UNC13C: variants seen among roughly 807,000 people sequenced by gnomAD.
The protein encoded by UNC13C is unc-13 homolog C, also known as protein unc-13 homolog C.
In UNC13C, 174 loss-of-function variants were observed where a neutral mutation model predicts 245.4. That is an observed-to-expected ratio of 0.71 (90% confidence interval 0.63 to 0.80). UNC13C has a LOEUF of 0.80. UNC13C is among the 30% of genes least tolerant of loss of function. The pLI, the probability that UNC13C is intolerant of heterozygous loss-of-function variation, is 0.00. For synonymous variants in UNC13C, 992 were observed against 895.1 expected (o/e 1.11, Z -1.93); for missense variants, 2,829 against 2,602.9 (o/e 1.09, Z -1.89).
chr15:54,368,078 T>A (rs574208954), intron 17 of UNC13C, among the ~76,000 whole-genome samples: 2 of 152,124 alleles, frequency 1.3e-5, no homozygotes, highest in East Asian at 3.9e-4. Context: ...GACCCTTAAA[T>A]TTTGCACTCA....
chr15:54,262,495 C>T (rs979071979), intron 8 of UNC13C, among the ~76,000 whole-genome samples: 1 of 152,188 alleles, frequency 6.6e-6, no homozygotes, highest in African/African-American at 2.4e-5. Context: ...CAACTATTTA[C>T]TCCAGCCTAA....
chr15:53,916,639 C>G, the UNC13C span, among the ~76,000 whole-genome samples: 1 of 152,194 alleles, frequency 6.6e-6, no homozygotes, highest in Non-Finnish European at 1.5e-5. Context: ...TATTTCAGAA[C>G]TACCAGAGTT....
In UNC13C at chr15:54,219,668, C is replaced by T. The variant is rs1393495108; in HGVS notation, c.3072-15362C>T. Among the ~76,000 whole-genome samples, 9 of 151,408 alleles carry T rather than the reference C, an allele frequency of 5.9e-5. No individual in the cohort carries two copies. The South Asian group carries it at 1.9e-3, about 32-fold the overall frequency. On this transcript the variant is annotated intron_variant, in intron 4 of 32. Transcript: ENST00000260323. ...ACCATCAGAGTGAACAGGCAACCTA[C>T]AAAATGGGAGAAAATTTTCGCAACC...
At chr15:54,277,503 C>T (rs1567153997) in intron 10 of UNC13C, among the ~76,000 whole-genome samples, 1 of 152,168 alleles carries the variant, frequency 6.6e-6, no homozygotes, top group Non-Finnish European at 1.5e-5. Context: ...TGACTTTTCA[C>T]TGCAAGATGA....
chr15:53,876,558 C>T, the UNC13C span, among the ~76,000 whole-genome samples: 1 of 152,278 alleles, frequency 6.6e-6, no homozygotes, highest in East Asian at 1.9e-4. Context: ...TTAATGCTTA[C>T]ACAGCTGCCA....
chr15:54,090,003 TCTGGCA>T (rs1243165638), intron 2 of UNC13C, among the ~76,000 whole-genome samples: 115 of 152,302 alleles, frequency 7.6e-4, no homozygotes, highest in African/African-American at 2.7e-3. Flanking sequence ...TGGGAAGGAC[TCTGGCA>T]CAAACAGCCT....
intron 4 of UNC13C, among the ~76,000 whole-genome samples, chr15:54,230,465 ATAAT>A (rs577325175): frequency 1.8e-5 from 2 of 113,886 alleles, no homozygotes; most frequent in East Asian, 5.1e-4. Context: ...TTGAGTGAAA[ATAAT>A]AATTAATCTC....
intron 2 of UNC13C, among the ~76,000 whole-genome samples, chr15:54,021,613 T>C (rs976954985): frequency 3.9e-5 from 6 of 152,368 alleles, no homozygotes; most frequent in African/African-American, 1.4e-4. Flanking sequence ...GTTGCTTTCA[T>C]ATCTTGGCTA....
intron 17 of UNC13C, among the ~76,000 whole-genome samples, chr15:54,375,518 T>C (rs1398588337): frequency 6.6e-6 from 1 of 152,302 alleles, no homozygotes; most frequent in Non-Finnish European, 1.5e-5. Flanking sequence ...ATTTTGTATG[T>C]TAAAGGTAAA....
the UNC13C span, among the ~76,000 whole-genome samples, chr15:53,958,440 A>C: frequency 0.93 from 140,983 of 152,226 alleles, 65,748 homozygotes; most frequent in Middle Eastern, 0.98. Flanking sequence ...GGTCTTGAAG[A>C]CTTTGTGCTG....
At chr15:54,212,037 A>G (rs889922126) in intron 4 of UNC13C, among the ~76,000 whole-genome samples, 35 of 152,094 alleles carry the variant, frequency 2.3e-4, no homozygotes, top group Admixed American at 1.1e-3. Context: ...AGCTTACACA[A>G]GGAGGCTAAG....
the UNC13C span, among the ~76,000 whole-genome samples, chr15:53,954,479 C>T: frequency 6.6e-6 from 1 of 152,166 alleles, no homozygotes. Flanking sequence ...AAGTGTTTTA[C>T]ACAAAGTTAC....
At chr15:54,361,266 G>A (rs559787884) in intron 17 of UNC13C, among the ~76,000 whole-genome samples, 156 of 151,826 alleles carry the variant, frequency 1.0e-3, no homozygotes, top group African/African-American at 3.6e-3. Flanking sequence ...GTGTTTTTCA[G>A]GTCAGTTATT....
chr15:53,950,738 C>G, the UNC13C span, among the ~76,000 whole-genome samples: 3 of 152,170 alleles, frequency 2.0e-5, no homozygotes, highest in South Asian at 6.2e-4. Flanking sequence ...ACAGAAATAG[C>G]CAGGGGTTAT....
chr15:54,068,552 G>T (rs1456171753), intron 2 of UNC13C, among the ~76,000 whole-genome samples: 1 of 152,144 alleles, frequency 6.6e-6, no homozygotes, highest in Non-Finnish European at 1.5e-5. Context: ...TGCAAGGTTG[G>T]CAAAGCGTGT....
intron 12 of UNC13C, among the ~76,000 whole-genome samples, chr15:54,299,600 A>G (rs889378913): frequency 3.9e-5 from 6 of 152,174 alleles, no homozygotes; most frequent in African/African-American, 9.7e-5. Context: ...GATTCTGTGT[A>G]GACCCACCCA....
intron 22 of UNC13C, 44 bp from the exon 23 acceptor site, chr15:54,507,073 C>G (rs1039091776): frequency 7.5e-7 from 1 of 1,337,894 alleles, no homozygotes; most frequent in African/African-American, 1.4e-5. Flanking sequence ...TATTTGTAAA[C>G]TACATACTTA....
At chr15:53,899,308 A>C in the UNC13C span, among the ~76,000 whole-genome samples, 1 of 152,238 alleles carries the variant, frequency 6.6e-6, no homozygotes, top group Non-Finnish European at 1.5e-5. Context: ...GAATTGCAAG[A>C]ATCTGTTGAC....
intron 1 of UNC13C, among the ~76,000 whole-genome samples, chr15:53,988,071 T>C (rs1450048358): frequency 1.3e-5 from 2 of 151,984 alleles, no homozygotes; most frequent in African/African-American, 4.8e-5. Context: ...TCCAGGCTGG[T>C]CTGAATTTCT....
Sources: allele counts gnomAD v4.1 joint callset (sites outside exome capture counted in the v4.1 genomes callset), GRCh38; gene constraint gnomAD v4.1.1; transcripts MANE v1.5; gene names NCBI Gene and HGNC (gene_info 2026-07-23, HGNC 2026-07-21).